The following PLCL1 variants were observed in gnomAD, a reference collection of about 807,000 sequenced individuals.
The protein encoded by PLCL1 is inactive phospholipase C-like protein 1.
Under a neutral mutation model 84.4 loss-of-function variants are expected in PLCL1, and 41 were observed. The ratio of observed to expected loss-of-function variants is 0.49; its 90% confidence interval spans 0.38 to 0.63. The LOEUF (loss-of-function observed/expected upper bound fraction) is 0.63, where lower values mean the gene tolerates loss of function less well. Among genes scored for constraint, PLCL1 ranks in the 30% least tolerant of loss-of-function variants. The pLI, the probability that PLCL1 is intolerant of heterozygous loss-of-function variation, is 0.00. For synonymous variants in PLCL1, 490 were observed against 488.3 expected (o/e 1.00, Z -0.05); for missense variants, 1,206 against 1,367.8 (o/e 0.88, Z 1.87).
chr2:198,122,013 G>A (rs1270923194), intron 5 of PLCL1, among the ~76,000 whole-genome samples: 1 of 152,004 alleles, frequency 6.6e-6, no homozygotes, highest in Non-Finnish European at 1.5e-5. Context: ...GCTGTGTACA[G>A]GCATCCATAT....
intron 1 of PLCL1, among the ~76,000 whole-genome samples, chr2:198,026,723 C>T (rs1431370541): frequency 6.6e-6 from 1 of 152,142 alleles, no homozygotes; most frequent in African/African-American, 2.4e-5. Context: ...AGAATACATA[C>T]AAATGGCTGG....
chr2:198,032,989 A>T (rs1454740254), intron 1 of PLCL1, among the ~76,000 whole-genome samples: 1 of 152,214 alleles, frequency 6.6e-6, no homozygotes, highest in Non-Finnish European at 1.5e-5. Context: ...CCTAAACTTT[A>T]TAAAGTCAAA....
chr2:198,067,059 G>C (rs1384933384), intron 1 of PLCL1, among the ~76,000 whole-genome samples: 2 of 151,362 alleles, frequency 1.3e-5, no homozygotes, highest in African/African-American at 2.4e-5. Flanking sequence ...ATAAATATAT[G>C]TTGAAGAACT....
chr2:197,994,863 C>T (rs185279624), intron 1 of PLCL1, among the ~76,000 whole-genome samples: 1 of 152,258 alleles, frequency 6.6e-6, no homozygotes, highest in Non-Finnish European at 1.5e-5. Flanking sequence ...ATGTGATCCC[C>T]AAAGCAGACG....
At chr2:198,030,910 A>G (rs1187024999) in intron 1 of PLCL1, among the ~76,000 whole-genome samples, 1 of 152,228 alleles carries the variant, frequency 6.6e-6, no homozygotes. Flanking sequence ...CGTAAGGCAC[A>G]AGAGTCTGCT....
chr2:197,954,058 G>T (rs1245831782), intron 1 of PLCL1, among the ~76,000 whole-genome samples: 1 of 152,058 alleles, frequency 6.6e-6, no homozygotes, highest in African/African-American at 2.4e-5. Flanking sequence ...AACTGTGACT[G>T]ACTACATAAT....
At chr2:197,934,694 C>G (rs1689015587) in intron 1 of PLCL1, among the ~76,000 whole-genome samples, 1 of 151,630 alleles carries the variant, frequency 6.6e-6, no homozygotes, top group African/African-American at 2.4e-5. Context: ...TATGGTATAC[C>G]AAGTAATGTT....
intron 5 of PLCL1, among the ~76,000 whole-genome samples, chr2:198,143,431 G>T (rs1694436438): frequency 6.6e-6 from 1 of 152,152 alleles, no homozygotes; most frequent in Non-Finnish European, 1.5e-5. Flanking sequence ...TGGCCCCAGG[G>T]TTGGGGACAC....
intron 1 of PLCL1, among the ~76,000 whole-genome samples, chr2:197,832,952 A>C (rs57180103): frequency 7.2e-5 from 11 of 152,150 alleles, no homozygotes; most frequent in African/African-American, 2.7e-4. Context: ...AAATTTGGCC[A>C]GGTGCGGTGG....
At chr2:198,023,417 A>G (rs1187509390) in intron 1 of PLCL1, among the ~76,000 whole-genome samples, 3 of 152,248 alleles carry the variant, frequency 2.0e-5, no homozygotes, top group East Asian at 1.9e-4. Context: ...ATTAAACTAA[A>G]GAGCTTCTGC....
chr2:197,964,184 T>C (rs2105791941), intron 1 of PLCL1, among the ~76,000 whole-genome samples: 1 of 152,262 alleles, frequency 6.6e-6, no homozygotes, highest in East Asian at 1.9e-4. Context: ...TAGATTTCTT[T>C]CAGTAGTATG....
chr2:198,114,745 A>T (rs865883192), intron 5 of PLCL1, among the ~76,000 whole-genome samples: 1 of 151,580 alleles, frequency 6.6e-6, no homozygotes, highest in Non-Finnish European at 1.5e-5. Context: ...CATCTATCTA[A>T]TTTCCTTATT....
At chr2:197,907,253 T>C (rs1688404953) in intron 1 of PLCL1, among the ~76,000 whole-genome samples, 1 of 152,094 alleles carries the variant, frequency 6.6e-6, no homozygotes, top group South Asian at 2.1e-4. Context: ...CTTTCTTTTT[T>C]TTTTTGACAG....
intron 5 of PLCL1, among the ~76,000 whole-genome samples, chr2:198,109,234 G>A (rs1422038899): frequency 6.6e-6 from 1 of 151,782 alleles, no homozygotes; most frequent in Non-Finnish European, 1.5e-5. Context: ...TTCTTGCTTC[G>A]TCTTTCAGAG....
chr2:197,956,449 C>T lies in PLCL1; in HGVS notation c.241-127309C>T, dbSNP rs185611430. On this transcript the variant is annotated intron_variant, in intron 1 of 5. Transcript: ENST00000428675. Reference sequence around the variant, plus strand: ...GGGTATATACCCAGTAATGGGATTACGGGGTCAAATGGTATTTCTAGTTCT... The same window carrying T: ...GGGTATATACCCAGTAATGGGATTATGGGGTCAAATGGTATTTCTAGTTCT... Among the ~76,000 whole-genome samples, 797 of 152,202 alleles carry T rather than the reference C, an allele frequency of 5.2e-3. 7 individuals carry two copies. Among genetic ancestry groups the T allele is most frequent in the African/African-American group, 0.018 (764 of 41,540 alleles).
intron 1 of PLCL1, among the ~76,000 whole-genome samples, chr2:197,860,858 A>C (rs1687418944): frequency 6.6e-6 from 1 of 152,144 alleles, no homozygotes; most frequent in South Asian, 2.1e-4. Flanking sequence ...GCTGTGCAGA[A>C]GCTCTTTAGT....
chr2:197,992,843 C>T (rs753211247), intron 1 of PLCL1, among the ~76,000 whole-genome samples: 12 of 152,122 alleles, frequency 7.9e-5, no homozygotes, highest in Non-Finnish European at 1.6e-4. Flanking sequence ...CATGTTGTAG[C>T]ATGTGTTCAA....
intron 1 of PLCL1, among the ~76,000 whole-genome samples, chr2:198,063,917 G>A (rs528502482): frequency 6.6e-6 from 1 of 152,294 alleles, no homozygotes; most frequent in Admixed American, 6.5e-5. Flanking sequence ...CTGGTTAAGA[G>A]CAAGTACTCC....
intron 1 of PLCL1, among the ~76,000 whole-genome samples, chr2:197,871,548 G>A (rs925713592): frequency 2.0e-5 from 3 of 152,014 alleles, no homozygotes; most frequent in Admixed American, 1.3e-4. Flanking sequence ...TTTTCTCATG[G>A]TTTTGGAGGC....
Sources: allele counts gnomAD v4.1 joint callset (sites outside exome capture counted in the v4.1 genomes callset), GRCh38; gene constraint gnomAD v4.1.1; transcripts MANE v1.5; gene names NCBI Gene and HGNC (gene_info 2026-07-23, HGNC 2026-07-21).